Variants in ZC3H18 observed in about 807,000 individuals in gnomAD.
The protein encoded by ZC3H18 is zinc finger CCCH domain-containing protein 18.
Under a neutral mutation model 106.1 loss-of-function variants are expected in ZC3H18, and 8 were observed. The observed-to-expected ratio is 0.08, with a 90% CI of 0.04 to 0.14. The LOEUF (loss-of-function observed/expected upper bound fraction) is 0.14. Ranked by LOEUF, ZC3H18 falls within the 10% of genes least tolerant of loss-of-function variation. The pLI, the probability that ZC3H18 is intolerant of heterozygous loss-of-function variation, is 1.00. For synonymous variants in ZC3H18, 635 were observed against 522.1 expected, an observed-to-expected ratio of 1.22 and a Z score of -2.95; for missense variants, 1,318 against 1,278.4, an observed-to-expected ratio of 1.03 and a Z score of -0.47.
Position 88,577,426 on chromosome 16 carries a change from G to C in ZC3H18, c.303G>C (p.Gly101=). 6.2e-7 allele frequency: 1 copy of C among 1,606,734 alleles called. No individual in the cohort carries two copies. The highest frequency in any genetic ancestry group is 1.1e-5 in the South Asian group (1 of 90,428). ...GPTSSPCEEE[G]DEGEEDRTSD... is the part of the protein sequence containing the mutation. Reference sequence around the variant, plus strand: ...CCAGCTCCCCCTGCGAGGAGGAGGGGGACGAAGGGGAGGAAGACCGGACAA... The same window carrying C: ...CCAGCTCCCCCTGCGAGGAGGAGGGCGACGAAGGGGAGGAAGACCGGACAA... Residue 101 remains glycine, a synonymous_variant, in exon 2 of 18, where the codon GGG becomes GGC. Coordinates refer to ENST00000301011, the MANE Select transcript of ZC3H18 (RefSeq NM_144604.4).
intron 3 of ZC3H18, among the ~76,000 whole-genome samples, chr16:88,593,959 G>T: frequency 6.6e-6 from 1 of 152,228 alleles, no homozygotes; most frequent in East Asian, 1.9e-4. Flanking sequence ...GAACCAAGTT[G>T]GAAAAGTGTG....
In ZC3H18 at chr16:88,627,955, A is replaced by G; in HGVS notation, c.2305A>G (p.Lys769Glu). ...GAAAGAAGACGGTGTTAAAGAGGAA[A>G]AGCGGAAAAGGGATTCGTCCACACA... ...SKKEDGVKEEKRKRDSSTQPP... is the reference protein window; with the variant it reads ...SKKEDGVKEEERKRDSSTQPP... The change falls in exon 15 of 18, where the codon AAG becomes GAG. Residue 769 changes from lysine to glutamate, a missense_variant. By Grantham distance (56) the Lys-to-Glu change is moderately conservative. Transcript: ENST00000301011. The surrounding 1 kb of genome is among the most constrained non-coding windows in gnomAD (Gnocchi z 4.5). 1 of 1,614,116 alleles carries G rather than the reference A, an allele frequency of 6.2e-7. No individual in the cohort carries two copies. Among genetic ancestry groups the G allele is most frequent in the Non-Finnish European group, 8.5e-7 (1 of 1,180,032 alleles).
At chr16:88,596,799 C>T (rs1357527668) in intron 3 of ZC3H18, among the ~76,000 whole-genome samples, 1 of 152,220 alleles carries the variant, frequency 6.6e-6, no homozygotes, top group Non-Finnish European at 1.5e-5. Flanking sequence ...AGAGGCAAAC[C>T]ATGAAGAGCT....
rs1348976492 is a variant in ZC3H18, at chr16:88,590,893, A to G, written c.688+4209A>G. Among the ~76,000 whole-genome samples, 6 of 150,988 alleles carry G rather than the reference A, an allele frequency of 4.0e-5. No homozygotes were observed. The East Asian group carries it at 1.2e-3, about 30-fold the overall frequency. ...GGGCTTCTGATTTATCCCTCAGTGA[A>G]CAAGCATCCCAGTCCATTTTTTGGG... On this transcript the variant is annotated intron_variant, in intron 3 of 17. Transcript: ENST00000301011.
intron 1 of ZC3H18, among the ~76,000 whole-genome samples, chr16:88,572,819 A>G (rs910432012): frequency 2.6e-5 from 4 of 151,896 alleles, no homozygotes; most frequent in African/African-American, 7.2e-5. Flanking sequence ...GTGCAGTGGC[A>G]TGATCTCGGC....
chr16:88,577,450 A>C lies in ZC3H18; in HGVS notation c.327A>C (p.Thr109=). Reference sequence around the variant, plus strand: ...GGGACGAAGGGGAGGAAGACCGGACAAGCGACCTTAGGGATGAGGCCTCCT... The same window carrying C: ...GGGACGAAGGGGAGGAAGACCGGACCAGCGACCTTAGGGATGAGGCCTCCT... The part of the protein sequence containing the change: ...EEGDEGEEDR[T]SDLRDEASSV... The change falls in exon 2 of 18, where the codon ACA becomes ACC. Residue 109 remains threonine (T), a synonymous_variant. Coordinates refer to ENST00000301011, the MANE Select transcript of ZC3H18 (RefSeq NM_144604.4). The C allele has an allele frequency of 6.2e-7, 1 of 1,610,482 alleles. No homozygotes were observed. The highest frequency in any genetic ancestry group is 8.5e-7 in the Non-Finnish European group (1 of 1,177,972).
Position 88,577,673 on chromosome 16 carries a change from A to G in ZC3H18, c.550A>G (p.Lys184Glu). 6.2e-7 allele frequency: 1 copy of G among 1,613,908 alleles called. No homozygotes were observed. Among genetic ancestry groups the G allele is most frequent in the Non-Finnish European group, 8.5e-7 (1 of 1,180,022 alleles). ...VGEKESLEAAKEKKKEDDDGE... is the reference protein window; with the variant it reads ...VGEKESLEAAEEKKKEDDDGE... ...AGAAAAGGAATCCCTGGAGGCTGCCAAGGAGAAAAAGAAAGAGGACGATGA... is the reference window on the plus strand; with the variant it reads ...AGAAAAGGAATCCCTGGAGGCTGCCGAGGAGAAAAAGAAAGAGGACGATGA... Residue 184 changes from lysine to glutamate, a missense_variant, in exon 2 of 18, where the codon AAG (lysine) becomes GAG (glutamate). Coordinates refer to ENST00000301011, the MANE Select transcript of ZC3H18 (RefSeq NM_144604.4).
intron 17 of ZC3H18, 67 bp downstream of exon 17, chr16:88,630,648 G>T: frequency 7.1e-7 from 1 of 1,407,234 alleles, no homozygotes; most frequent in Non-Finnish European, 9.7e-7. Flanking sequence ...TCCCCAGGGA[G>T]GCCAGCAGCA....
At chr16:88,595,072 A>AC (rs1287099694) in intron 3 of ZC3H18, among the ~76,000 whole-genome samples, 1 of 152,164 alleles carries the variant, frequency 6.6e-6, no homozygotes, top group Non-Finnish European at 1.5e-5. Flanking sequence ...AATCACTTGA[A>AC]CCTGGGAGGC....
chr16:88,589,602 G>A (rs988057888), intron 3 of ZC3H18, among the ~76,000 whole-genome samples: 3 of 149,368 alleles, frequency 2.0e-5, no homozygotes, highest in African/African-American at 5.0e-5. Context: ...GACTCACGCC[G>A]CAACGTGGAC....
At chr16:88,590,126 A>C (rs899878979) in intron 3 of ZC3H18, among the ~76,000 whole-genome samples, 1 of 152,068 alleles carries the variant, frequency 6.6e-6, no homozygotes, top group Non-Finnish European at 1.5e-5. Context: ...TTCTTTTTTA[A>C]ATTACTTGTA....
intron 8 of ZC3H18, among the ~76,000 whole-genome samples, chr16:88,613,918 G>C (rs1905414601): frequency 6.6e-6 from 1 of 151,784 alleles, no homozygotes; most frequent in Non-Finnish European, 1.5e-5. Context: ...GTGACAGAGA[G>C]AGACCCTGTC....
At chr16:88,571,315 C>G (rs527240210) in intron 1 of ZC3H18, among the ~76,000 whole-genome samples, 1 of 152,150 alleles carries the variant, frequency 6.6e-6, no homozygotes, top group Non-Finnish European at 1.5e-5. Context: ...TCTTCAGACC[C>G]ATTTGGGAAA....
At position 88,609,014 on chromosome 16, in the gene ZC3H18, T is replaced by A. The variant is rs1261771925; in HGVS notation, c.1169T>A (p.Val390Glu). Reference sequence around the variant, plus strand: ...GGCGGACAGTATGAGAATTTCAGGGTGCAGTATACAGAAACAGAGCCGTAT... The same window carrying A: ...GGCGGACAGTATGAGAATTTCAGGGAGCAGTATACAGAAACAGAGCCGTAT... ...WRGGQYENFR[V>E]QYTETEPYHN... is the part of the protein sequence containing the mutation. The change falls in exon 7 of 18, where the codon GTG becomes GAG. Residue 390 changes from valine to glutamate, a missense_variant. Physicochemically the swap from Val to Glu is moderately radical, Grantham distance 121. This residue lies in a region of ZC3H18 where 848 missense variants were observed against 821.7 expected (regional missense o/e 1.03). Transcript: ENST00000301011. The A allele has an allele frequency of 6.2e-7, 1 of 1,613,912 alleles. No homozygotes were observed. The highest frequency in any genetic ancestry group is 8.5e-7 in the Non-Finnish European group (1 of 1,179,854).
At chr16:88,581,689 T>C (rs1307270177) in intron 2 of ZC3H18, among the ~76,000 whole-genome samples, 2 of 152,206 alleles carry the variant, frequency 1.3e-5, no homozygotes, top group Non-Finnish European at 2.9e-5. Context: ...GAGAGCTGGG[T>C]GCAGCAGGCC....
chr16:88,606,346 G>A (rs899020084), intron 6 of ZC3H18, among the ~76,000 whole-genome samples: 8 of 152,218 alleles, frequency 5.3e-5, no homozygotes, highest in Non-Finnish European at 8.8e-5. Context: ...CGCATGCTGC[G>A]GAGCAGATGG....
intron 8 of ZC3H18, among the ~76,000 whole-genome samples, chr16:88,615,260 T>C (rs56108340): frequency 1.4e-3 from 124 of 86,662 alleles, no homozygotes; most frequent in South Asian, 2.2e-3. Context: ...ACGGGCTGCC[T>C]CTACCTCCTC....
At chr16:88,611,866 T>G (rs1241287830) in intron 8 of ZC3H18, among the ~76,000 whole-genome samples, 2 of 152,192 alleles carry the variant, frequency 1.3e-5, no homozygotes, top group Admixed American at 1.3e-4. Context: ...CCACGCACGG[T>G]GTGTAACTCA....
rs1294761658 is a variant in ZC3H18 at position 88,623,076 on chromosome 16, TGCAGCTGTGCGCGCGTGC to T, written c.1668-130_1668-113del. The T allele has an allele frequency of 5.1e-5, 61 of 1,205,612 alleles. 1 individual carries two copies. The highest frequency in any genetic ancestry group is 5.0e-4 in the South Asian group (33 of 66,526). 74.7% of individuals were successfully genotyped at this position (1,205,612 alleles called of 1,614,324 possible). On this transcript the variant is annotated intron_variant, in intron 9 of 17. Transcript: ENST00000301011. ...GGCTGTATGCGTCTGTGCGCGCGTC[TGCAGCTGTGCGCGCGTGC>T]GCAGCTGTGCGCTTGTGTGTAGCTG...
Sources: gnomAD v4.1 joint callset for allele counts (sites outside exome capture counted in the v4.1 genomes callset) on GRCh38, gnomAD v4.1.1 for gene constraint, gnomAD v4.1.1 regional missense constraint, Gnocchi (gnomAD v3.1) non-coding constraint, MANE v1.5 for transcripts, NCBI Gene and HGNC (gene_info 2026-07-23, HGNC 2026-07-21) for gene names.